The following ADAM29 variants were observed in gnomAD, a reference collection of about 807,000 sequenced individuals.
The protein encoded by ADAM29 is ADAM metallopeptidase domain 29.
For missense variants in ADAM29, 969 were observed against 1,001.8 expected (o/e 0.97, Z 0.44); for synonymous variants, 367 against 342.3 (o/e 1.07, Z -0.80).
chr4:174,951,729 T>C (rs895691702), intron 4 of ADAM29, among the ~76,000 whole-genome samples: 2 of 152,178 alleles, frequency 1.3e-5, no homozygotes, highest in East Asian at 1.9e-4. Context: ...TATCATATTG[T>C]TGAGTGGCCC....
At chr4:174,975,301 AT>A in intron 4 of ADAM29, 44 bp from the exon 5 acceptor site, 1 of 389,356 alleles carries the variant, frequency 2.6e-6, no homozygotes, top group Non-Finnish European at 4.5e-6. Flanking sequence ...TATAAGAAGA[AT>A]TTCTGTACAC....
chr4:174,950,476 A>C (rs1056444703), intron 4 of ADAM29, among the ~76,000 whole-genome samples: 1 of 152,158 alleles, frequency 6.6e-6, no homozygotes, highest in African/African-American at 2.4e-5. Flanking sequence ...GACATAAGTA[A>C]ATTCATTTTT....
chr4:174,969,544 T>C (rs1479172259), intron 4 of ADAM29, among the ~76,000 whole-genome samples: 2 of 151,944 alleles, frequency 1.3e-5, no homozygotes, highest in Admixed American at 6.6e-5. Context: ...CCAATGTTAA[T>C]ATTTGTGTGT....
intron 1 of ADAM29, chr4:174,919,126 G>T (rs1743031382): frequency 6.6e-6 from 1 of 152,158 alleles, no homozygotes; most frequent in South Asian, 2.1e-4. Flanking sequence ...CTCTAGGACT[G>T]ACTCCATCCA....
At chr4:174,930,528 C>A (rs891394644) in intron 2 of ADAM29, among the ~76,000 whole-genome samples, 2 of 151,998 alleles carry the variant, frequency 1.3e-5, no homozygotes, top group Non-Finnish European at 2.9e-5. Flanking sequence ...AATTTTGTAT[C>A]AAAACTTGGA....
intron 4 of ADAM29, among the ~76,000 whole-genome samples, chr4:174,967,834 C>A (rs1314809339): frequency 6.6e-6 from 1 of 152,170 alleles, no homozygotes; most frequent in Non-Finnish European, 1.5e-5. Flanking sequence ...AACAATCGCA[C>A]AAACTGATAT....
At chr4:174,925,267 T>C in intron 2 of ADAM29, among the ~76,000 whole-genome samples, 1 of 152,198 alleles carries the variant, frequency 6.6e-6, no homozygotes, top group East Asian at 1.9e-4. Context: ...GAGGTGTTAA[T>C]ATTGGTTCTT....
chr4:174,943,157 A>T (rs1021120795), intron 4 of ADAM29, among the ~76,000 whole-genome samples: 4 of 152,136 alleles, frequency 2.6e-5, no homozygotes, highest in Admixed American at 6.6e-5. Context: ...CATTGTCCAT[A>T]CCACTATTAG....
chr4:174,951,115 CAT>C (rs1745152570), intron 4 of ADAM29, among the ~76,000 whole-genome samples: 1 of 152,168 alleles, frequency 6.6e-6, no homozygotes. Context: ...CACACACAAA[CAT>C]ATGTACCTGT....
chr4:174,971,070 ATATTT>A (rs1461149009), intron 4 of ADAM29, among the ~76,000 whole-genome samples: 8 of 152,104 alleles, frequency 5.3e-5, no homozygotes, highest in Non-Finnish European at 7.4e-5. Flanking sequence ...CTCTTTTAAC[ATATTT>A]TATTTCTTTT....
At chr4:174,943,472 G>A (rs1474693351) in intron 4 of ADAM29, among the ~76,000 whole-genome samples, 2 of 152,134 alleles carry the variant, frequency 1.3e-5, no homozygotes, top group Non-Finnish European at 2.9e-5. Context: ...CAACTATGGT[G>A]GAAGGCAAAG....
intron 4 of ADAM29, among the ~76,000 whole-genome samples, chr4:174,963,685 T>C (rs1745987284): frequency 7.7e-6 from 1 of 130,346 alleles, no homozygotes; most frequent in Non-Finnish European, 1.7e-5. Flanking sequence ...AGTAAAGGTT[T>C]TTTTATTTTT....
chr4:174,960,685 T>C (rs2111057745), intron 4 of ADAM29, among the ~76,000 whole-genome samples: 1 of 152,312 alleles, frequency 6.6e-6, no homozygotes, highest in East Asian at 1.9e-4. Context: ...ATTCTATCAC[T>C]ATCTTTCTCG....
intron 1 of ADAM29, among the ~76,000 whole-genome samples, chr4:174,920,152 A>G (rs2110883395): frequency 6.6e-6 from 1 of 152,246 alleles, no homozygotes; most frequent in South Asian, 2.1e-4. Flanking sequence ...TTCCATCTCA[A>G]CAAACCAGTA....
chr4:174,958,036 G>C (rs1381620775), intron 4 of ADAM29, among the ~76,000 whole-genome samples: 4 of 151,694 alleles, frequency 2.6e-5, no homozygotes, highest in Non-Finnish European at 4.4e-5. Context: ...AAAATATTTT[G>C]TATGATTTAG....
intron 4 of ADAM29, among the ~76,000 whole-genome samples, chr4:174,951,490 T>C (rs534113444): frequency 6.6e-6 from 1 of 152,360 alleles, no homozygotes; most frequent in South Asian, 2.1e-4. Flanking sequence ...GCCTTTTGTA[T>C]AATGGTTTAT....
chr4:174,975,469 A>G lies in ADAM29; in HGVS notation c.-57A>G. 6.8e-7 allele frequency: 1 copy of G among 1,480,382 alleles called. No homozygotes were observed. The highest frequency in any genetic ancestry group is 9.0e-7 in the Non-Finnish European group (1 of 1,113,264). 91.7% of individuals were successfully genotyped at this position (1,480,382 alleles called of 1,614,324 possible). A position where few individuals can be genotyped will look rare whatever the true frequency, so the allele number is the denominator to read the frequency against. Reference sequence around the variant, plus strand: ...ACTCCAGCCCTGACTTCTGCTCTGGACCAGTGTTTCCATAACAGGGACTTC... The same window carrying G: ...ACTCCAGCCCTGACTTCTGCTCTGGGCCAGTGTTTCCATAACAGGGACTTC... On this transcript the variant is annotated 5_prime_UTR_variant, in exon 5 of 5. Coordinates refer to ENST00000359240, the MANE Select transcript of ADAM29 (RefSeq NM_014269.4).
intron 2 of ADAM29, among the ~76,000 whole-genome samples, chr4:174,922,832 T>G (rs1245777297): frequency 6.6e-6 from 1 of 152,068 alleles, no homozygotes; most frequent in East Asian, 1.9e-4. Context: ...TAATATAATC[T>G]TTGAAATATA....
chr4:174,928,868 G>T (rs1370879794), intron 2 of ADAM29, among the ~76,000 whole-genome samples: 1 of 152,158 alleles, frequency 6.6e-6, no homozygotes, highest in Non-Finnish European at 1.5e-5. Flanking sequence ...AGGACCTGGA[G>T]AAAGACATTC....
Sources: allele counts gnomAD v4.1 joint callset (sites outside exome capture counted in the v4.1 genomes callset), GRCh38; gene constraint gnomAD v4.1.1; transcripts MANE v1.5; gene names NCBI Gene and HGNC (gene_info 2026-07-23, HGNC 2026-07-21).